Variants in SMOC1 observed in about 807,000 individuals in gnomAD.
The protein encoded by SMOC1 is SPARC-related modular calcium-binding protein 1.
A neutral mutation model predicts 56.3 loss-of-function variants in SMOC1; 22 were observed. That is an observed-to-expected ratio of 0.39 (90% CI 0.28 to 0.56). SMOC1 has a LOEUF of 0.56. Among genes scored for constraint, SMOC1 ranks in the 20% least tolerant of loss-of-function variants. The probability of loss-of-function intolerance (pLI) is 0.61; values close to 1 mark genes in which losing one functional copy is unlikely to be tolerated. For synonymous variants in SMOC1, 193 were observed against 215.0 expected, an observed-to-expected ratio of 0.90 and a Z score of 0.89; for missense variants, 509 against 565.4, an observed-to-expected ratio of 0.90 and a Z score of 1.01.
intron 6 of SMOC1, among the ~76,000 whole-genome samples, 174 bp downstream of exon 6, chr14:69,992,647 C>T (rs1416249131): frequency 6.6e-6 from 1 of 152,164 alleles, no homozygotes; most frequent in East Asian, 1.9e-4. Flanking sequence ...CAGATCCTCC[C>T]AGGAATTGGT....
At chr14:69,996,655 C>T (rs1294484755) in intron 7 of SMOC1, among the ~76,000 whole-genome samples, 3 of 152,218 alleles carry the variant, frequency 2.0e-5, no homozygotes, top group Admixed American at 1.3e-4. Context: ...GTTTATTTTT[C>T]TCTGGCTGAC....
chr14:69,886,470 T>A (rs1440853713), intron 1 of SMOC1, among the ~76,000 whole-genome samples: 3 of 152,250 alleles, frequency 2.0e-5, no homozygotes, highest in Non-Finnish European at 4.4e-5. Flanking sequence ...CTGAAATTGG[T>A]TACTTACAAA....
At chr14:70,003,351 A>G (rs1044677499) in intron 7 of SMOC1, among the ~76,000 whole-genome samples, 4 of 151,972 alleles carry the variant, frequency 2.6e-5, no homozygotes, top group African/African-American at 9.7e-5. Context: ...ATTTTAATTG[A>G]TTTTTCCCCC....
intron 10 of SMOC1, 95 bp from the exon 11 acceptor site, chr14:70,023,108 A>G: frequency 6.2e-7 from 1 of 1,600,696 alleles, no homozygotes; most frequent in South Asian, 1.1e-5. Flanking sequence ...AGCCGTTTCT[A>G]CCTGACTTTC....
rs764444490 is a variant in SMOC1, at chr14:70,013,452, T to C, written c.1007T>C (p.Val336Ala). The C allele has an allele frequency of 6.2e-7, 1 of 1,614,148 alleles. No individual in the cohort carries two copies. Among genetic ancestry groups the C allele is most frequent in the Non-Finnish European group, 8.5e-7 (1 of 1,180,020 alleles). The change falls in exon 10 of 12, where the codon GTT (valine) becomes GCT (alanine). Residue 336 changes from valine (V) to alanine (A), a missense_variant. Coordinates refer to ENST00000361956, the MANE Select transcript of SMOC1 (RefSeq NM_001034852.3). ...SLLDALTTDM[V>A]QAINSAAPTG... ...CTGGATGCTCTCACCACTGACATGG[T>C]TCAGGCCATTAACTCAGCAGCGCCC...
intron 1 of SMOC1, among the ~76,000 whole-genome samples, chr14:69,948,003 T>A (rs1049965973): frequency 6.6e-6 from 1 of 152,242 alleles, no homozygotes; most frequent in Admixed American, 6.5e-5. Flanking sequence ...TAAATGGTAA[T>A]CTCACTGAGG....
intron 5 of SMOC1, among the ~76,000 whole-genome samples, chr14:69,979,580 G>A (rs1566697383): frequency 6.6e-6 from 1 of 152,068 alleles, no homozygotes; most frequent in Admixed American, 6.5e-5. Context: ...ATGCCTTCAA[G>A]TTTTCTATTG....
chr14:69,936,960 G>A (rs1020544058), intron 1 of SMOC1, among the ~76,000 whole-genome samples: 2 of 152,076 alleles, frequency 1.3e-5, no homozygotes, highest in African/African-American at 4.8e-5. Flanking sequence ...TTATATACAT[G>A]TTTGATATTC....
At chr14:69,974,528 G>A (rs1333742883) in intron 3 of SMOC1, among the ~76,000 whole-genome samples, 3 of 152,162 alleles carry the variant, frequency 2.0e-5, no homozygotes, top group African/African-American at 7.2e-5. Context: ...GAAATAGATG[G>A]AGGCAGATCA....
At chr14:70,026,024 A>G (rs1294626869) in intron 11 of SMOC1, among the ~76,000 whole-genome samples, 2 of 152,212 alleles carry the variant, frequency 1.3e-5, no homozygotes, top group African/African-American at 2.4e-5. Flanking sequence ...CTTGAAGCCA[A>G]AAGGATTCTC....
intron 5 of SMOC1, among the ~76,000 whole-genome samples, chr14:69,987,754 CAG>C (rs1308345733): frequency 1.3e-5 from 2 of 152,220 alleles, no homozygotes; most frequent in African/African-American, 4.8e-5. Flanking sequence ...AAAAGCCAAA[CAG>C]AGGAGGCTTT....
chr14:70,010,779 G>C lies in SMOC1; in HGVS notation c.690G>C (p.Glu230Asp). 6.2e-7 allele frequency: 1 copy of C among 1,614,250 alleles called. No homozygotes were observed. The highest frequency in any genetic ancestry group is 1.1e-5 in the South Asian group (1 of 91,088). ...AGAAAGTCTATTCGTGTGACCAGGA[G>C]AGGCAGAGTGCCCTGGAAGAGGCCC... ...NSEKVYSCDQERQSALEEAQQ... is the reference protein window; with the variant it reads ...NSEKVYSCDQDRQSALEEAQQ... Residue 230 changes from glutamate (E) to aspartate (D), a missense_variant, in exon 8 of 12, where the codon GAG becomes GAC. This residue lies in a region of SMOC1 where 315 missense variants were observed against 333.1 expected (regional missense o/e 0.95). Transcript: ENST00000361956.
chr14:69,904,607 C>A (rs1210606869), intron 1 of SMOC1, among the ~76,000 whole-genome samples: 1 of 152,160 alleles, frequency 6.6e-6, no homozygotes, highest in Non-Finnish European at 1.5e-5. Context: ...TGAAAATGCC[C>A]AGGAGAGGTG....
At chr14:69,905,518 C>T (rs1451445550) in intron 1 of SMOC1, among the ~76,000 whole-genome samples, 1 of 152,106 alleles carries the variant, frequency 6.6e-6, no homozygotes, top group Non-Finnish European at 1.5e-5. Flanking sequence ...AGGAGAGTAA[C>T]ATGAATAATG....
At chr14:69,895,264 G>A (rs115103027) in intron 1 of SMOC1, among the ~76,000 whole-genome samples, 2,143 of 152,312 alleles carry the variant, frequency 0.014, 47 homozygotes, top group African/African-American at 0.049. Context: ...CCTGAAAAGG[G>A]GTGAGTTTCT....
At chr14:69,984,548 A>G (rs1884294013) in intron 5 of SMOC1, among the ~76,000 whole-genome samples, 1 of 152,160 alleles carries the variant, frequency 6.6e-6, no homozygotes, top group Non-Finnish European at 1.5e-5. Flanking sequence ...AAACAGTTTA[A>G]TTAGAAAATG....
At chr14:69,961,667 C>T (rs140534670) in intron 3 of SMOC1, among the ~76,000 whole-genome samples, 3 of 152,282 alleles carry the variant, frequency 2.0e-5, no homozygotes, top group Non-Finnish European at 2.9e-5. Flanking sequence ...TGGGCCACCA[C>T]GCCTGGCCTG....
At chr14:69,952,391 G>A in intron 2 of SMOC1, 88 bp downstream of exon 2, 3 of 1,516,220 alleles carry the variant, frequency 2.0e-6, no homozygotes, top group Non-Finnish European at 9.1e-7. Context: ...GAAGCTTGGA[G>A]TAAGTCTGTC....
chr14:69,965,404 T>TAATAATAATAAA lies in SMOC1; in HGVS notation c.379-10309_379-10308insTAATAATAAAAA, dbSNP rs761154559. Reference sequence around the variant, plus strand: ...ATAATAATAATAATAATAATAATAATAAAAAGATGACCAAAGGGATACCTG... The same window carrying TAATAATAATAAA: ...ATAATAATAATAATAATAATAATAATAATAATAATAAAAAAAAGATGACCAAAGGGATACCTG... On this transcript the variant is annotated intron_variant, in intron 3 of 11. Coordinates refer to ENST00000361956, the MANE Select transcript of SMOC1 (RefSeq NM_001034852.3). Among the ~76,000 whole-genome samples, 79 of 149,476 alleles carry TAATAATAATAAA rather than the reference T, an allele frequency of 5.3e-4. 1 individual carries two copies. Among genetic ancestry groups the TAATAATAATAAA allele is most frequent in the East Asian group, 1.2e-3 (6 of 5,026 alleles).
Sources: allele counts gnomAD v4.1 joint callset (sites outside exome capture counted in the v4.1 genomes callset), GRCh38; gene constraint gnomAD v4.1.1; regional missense constraint gnomAD v4.1.1; transcripts MANE v1.5; gene names NCBI Gene and HGNC (gene_info 2026-07-23, HGNC 2026-07-21).